PIAS3: variants seen among roughly 807,000 people sequenced by gnomAD.
PIAS3 encodes protein inhibitor of activated STAT 3.
In PIAS3, 34 loss-of-function variants were observed where a neutral mutation model predicts 67.6. The observed-to-expected ratio is 0.50, with a 90% CI of 0.38 to 0.67. The LOEUF is 0.67. PIAS3 is among the 30% of genes least tolerant of loss of function. PIAS3 has a pLI of 0.00. For missense variants in PIAS3, 693 were observed against 791.6 expected, an observed-to-expected ratio of 0.88 and a Z score of 1.49; for synonymous variants, 341 against 313.8, an observed-to-expected ratio of 1.09 and a Z score of -0.92.
In PIAS3 at chr1:145,857,009, G is replaced by T. The variant is rs782803448; in HGVS notation, c.25-3C>A. ...ACCCGGAAACTCATCACCATGTGCT[G>T]TGGAGAAAAACAGAGAAGCTTGAGC... On this transcript the variant is annotated splice_polypyrimidine_tract_variant and splice_region_variant and intron_variant, in intron 1 of 13. Transcript: ENST00000393045. 6.2e-7 allele frequency: 1 copy of T among 1,612,648 alleles called. No individual in the cohort carries two copies. Among genetic ancestry groups the T allele is most frequent in the South Asian group, 1.1e-5 (1 of 91,050 alleles).
At chr1:145,857,048 C>G in intron 1 of PIAS3, 42 bp from the exon 2 acceptor site, 1 of 1,567,638 alleles carries the variant, frequency 6.4e-7, no homozygotes, top group African/African-American at 1.4e-5. Flanking sequence ...CTCCCTTGCA[C>G]AGGCCTGCCC....
chr1:145,849,956 T>C (rs587669905), intron 13 of PIAS3: 2 of 1,423,040 alleles, frequency 1.4e-6, no homozygotes, highest in African/African-American at 1.4e-5. Context: ...ATGTGTGGAA[T>C]GTCCGGTTAG....
At position 145,853,672 on chromosome 1, in the gene PIAS3, G is replaced by T; in HGVS notation, c.985-8C>A. On this transcript the variant is annotated splice_polypyrimidine_tract_variant and splice_region_variant and intron_variant, in intron 8 of 13. Transcript: ENST00000393045. ...CAGGCGCATCTTCCCTAGCTGAGGA[G>T]AAGCAAGTTCTCTTGTCAGAGGCCC... 6.2e-7 allele frequency: 1 copy of T among 1,613,316 alleles called. No homozygotes were observed. Among genetic ancestry groups the T allele is most frequent in the Non-Finnish European group, 8.5e-7 (1 of 1,179,562 alleles).
chr1:145,849,782 GA>G, intron 13 of PIAS3, 70 bp from the exon 14 acceptor site: 1 of 1,512,036 alleles, frequency 6.6e-7, no homozygotes, highest in African/African-American at 1.4e-5. Flanking sequence ...ACTCATCTCA[GA>G]AATGCCGTAT....
At chr1:145,856,167 G>C (rs782581372) in intron 3 of PIAS3, 49 bp from the exon 4 acceptor site, 1 of 1,529,106 alleles carries the variant, frequency 6.5e-7, no homozygotes, top group Non-Finnish European at 9.1e-7. Context: ...GCCCCCAGAG[G>C]GCAAGGGTGA....
chr1:145,850,358 G>A (rs587728055), intron 12 of PIAS3, 89 bp from the exon 13 acceptor site: 1 of 1,611,402 alleles, frequency 6.2e-7, no homozygotes, highest in African/African-American at 1.3e-5. Context: ...GCCCCTTGCA[G>A]GAGAAGCAGG....
chr1:145,850,328 A>G, intron 12 of PIAS3, 59 bp from the exon 13 acceptor site: 1 of 1,613,808 alleles, frequency 6.2e-7, no homozygotes, highest in Non-Finnish European at 8.5e-7. Flanking sequence ...CCACCAAAAG[A>G]CAAAGCACTG....
At chr1:145,854,310 T>G in intron 7 of PIAS3, 148 bp downstream of exon 7, 1 of 632,090 alleles carries the variant, frequency 1.6e-6, no homozygotes, top group Non-Finnish European at 2.8e-6. Context: ...ACTGGAAGAC[T>G]GGTCAGGGGT....
At chr1:145,854,999 C>G in intron 5 of PIAS3, 119 bp from the exon 6 acceptor site, 2 of 1,203,826 alleles carry the variant, frequency 1.7e-6, no homozygotes, top group Non-Finnish European at 2.4e-6. Context: ...AACTCGCTCA[C>G]TCACTGACCA....
chr1:145,856,010 C>A (rs1229874256), intron 4 of PIAS3, 58 bp downstream of exon 4: 41 of 1,381,886 alleles, frequency 3.0e-5, no homozygotes, highest in East Asian at 6.8e-5. Flanking sequence ...TCTGTCATAC[C>A]CCTACTTCAC....
Position 145,853,578 on chromosome 1 carries a change from C to T in PIAS3, c.1071G>A (p.Met357Ile), listed in dbSNP as rs781967889. The change falls in exon 9 of 14, where the codon ATG becomes ATA. Residue 357 changes from methionine (M) to isoleucine (I), a missense_variant. This residue lies in a region of PIAS3 where 115 missense variants were observed against 181.8 expected (regional missense o/e 0.63). Transcript: ENST00000393045. ...ATGTCCATGTAGGCTTCTTCTCATT[C>T]ATCTGTAGATAAAGGGCAGCATCGA... Reference protein sequence around the residue: ...QSFDAALYLQMNEKKPTWTCP... With the variant: ...QSFDAALYLQINEKKPTWTCP... 1 of 1,614,116 alleles carries T rather than the reference C, an allele frequency of 6.2e-7. No homozygotes were observed.
rs1222008248 is a variant in PIAS3 at position 145,854,466 on chromosome 1, C to A, written c.902G>T (p.Arg301Leu). The A allele has an allele frequency of 1.2e-5, 19 of 1,610,226 alleles. No homozygotes were observed. Among genetic ancestry groups the A allele is most frequent in the Non-Finnish European group, 1.6e-5 (19 of 1,176,662 alleles). The change falls in exon 7 of 14, where the codon CGG becomes CTG. Residue 301 changes from arginine to leucine, a missense_variant. By Grantham distance (102) the Arg-to-Leu change is moderately radical. Coordinates refer to ENST00000393045, the MANE Select transcript of PIAS3 (RefSeq NM_006099.3). The part of the protein sequence containing the change: ...AKGIRNPDHS[R>L]ALIKEKLTAD... ...GGAAAGATGTTACTCACTCAGTGCC[C>A]GCGAGTGGTCTGGGTTCCGGATACC...
chr1:145,851,676 A>AT (rs1265843490), intron 9 of PIAS3, among the ~76,000 whole-genome samples: 2,790 of 146,624 alleles, frequency 0.019, 135 homozygotes, highest in African/African-American at 0.068. Flanking sequence ...AAAAAAAAAA[A>AT]GCCGGCGTGG....
Position 145,850,545 on chromosome 1 carries a change from C to T in PIAS3, c.1490G>A (p.Ser497Asn). ...CCCACCCAACGTGCCCATAGCAGGG[C>T]TCCTTAGCACCGAGGATGGCTGGTG... The part of the protein sequence containing the change: ...SGHQPSSVLR[S>N]PAMGTLGGDF... Residue 497 changes from serine to asparagine, a missense_variant, in exon 12 of 14, where the codon AGC (serine) becomes AAC (asparagine). Ser to Asn is a conservative substitution (Grantham distance 46, BLOSUM62 1). Transcript: ENST00000393045. 1.9e-6 allele frequency: 3 copies of T among 1,614,226 alleles called. No homozygotes were observed. The highest frequency in any genetic ancestry group is 2.5e-6 in the Non-Finnish European group (3 of 1,180,044).
rs1553735626 is a variant in PIAS3 at position 145,856,389 on chromosome 1, A to G, written c.485T>C (p.Phe162Ser). The G allele has an allele frequency of 6.2e-7, 1 of 1,614,102 alleles. No homozygotes were observed. Among genetic ancestry groups the G allele is most frequent in the South Asian group, 1.1e-5 (1 of 91,078 alleles). Residue 162 changes from phenylalanine (F) to serine (S), a missense_variant, in exon 3 of 14, where the codon TTT (phenylalanine) becomes TCT (serine). Phe to Ser is a radical substitution (Grantham distance 155). This residue lies in a region of PIAS3 where 308 missense variants were observed against 348.8 expected (regional missense o/e 0.88). Coordinates refer to ENST00000393045, the MANE Select transcript of PIAS3 (RefSeq NM_006099.3). ...SQRFEEAHFT[F>S]ALTPQQVQQI... The stretch of plus-strand genomic sequence containing the variant: ...CTGCACTTGCTGGGGTGTGAGGGCA[A>G]AGGTAAAGTGCGCTTCCTCAAACCG...
chr1:145,854,311 G>T (rs1013445155), intron 7 of PIAS3, 147 bp downstream of exon 7: 4 of 639,644 alleles, frequency 6.3e-6, no homozygotes, highest in African/African-American at 3.6e-5. Flanking sequence ...CTGGAAGACT[G>T]GTCAGGGGTA....
Position 145,850,895 on chromosome 1 carries a change from T to C in PIAS3, c.1324A>G (p.Lys442Glu), listed in dbSNP as rs782409198. 13 of 1,614,200 alleles carry C rather than the reference T, an allele frequency of 8.1e-6. No homozygotes were observed. The highest frequency in any genetic ancestry group is 1.1e-5 in the Non-Finnish European group (13 of 1,180,044). The change falls in exon 11 of 14, where the codon AAG (lysine) becomes GAG (glutamate). Residue 442 changes from lysine (K) to glutamate (E), a missense_variant. Around this residue, in one of 3 missense-constraint regions of PIAS3, gnomAD observed 270 missense variants for 261.0 expected, o/e 1.03. Coordinates refer to ENST00000393045, the MANE Select transcript of PIAS3 (RefSeq NM_006099.3). ...AAGTCAATAACTTCGACCTTCTTCT[T>C]ATTCTCTGATGGATCTCCCCCCTGG... ...PVQGGDPSENKKKVEVIDLTI... is the reference protein window; with the variant it reads ...PVQGGDPSENEKKVEVIDLTI...
chr1:145,853,722 T>G (rs1653053080), intron 8 of PIAS3, 58 bp from the exon 9 acceptor site: 1 of 1,608,666 alleles, frequency 6.2e-7, no homozygotes, highest in African/African-American at 1.3e-5. Flanking sequence ...CCCAGAAAAC[T>G]TCACGCCAGT....
chr1:145,850,354 T>C (rs1652906503), intron 12 of PIAS3, 85 bp from the exon 13 acceptor site: 3 of 1,612,068 alleles, frequency 1.9e-6, no homozygotes, highest in Non-Finnish European at 2.5e-6. Flanking sequence ...TGTGGCCCCT[T>C]GCAGGAGAAG....
Sources: gnomAD v4.1 joint callset for allele counts (sites outside exome capture counted in the v4.1 genomes callset) on GRCh38, gnomAD v4.1.1 for gene constraint, gnomAD v4.1.1 regional missense constraint, MANE v1.5 for transcripts, NCBI Gene and HGNC (gene_info 2026-07-23, HGNC 2026-07-21) for gene names.